Variants in PIEZO1 observed in about 807,000 individuals in gnomAD.
PIEZO1 encodes piezo type mechanosensitive ion channel component 1 (Er blood group).
PIEZO1 carries 296 observed loss-of-function variants against 297.2 expected under a neutral mutation model. That is an observed-to-expected ratio of 1.00 (90% CI 0.91 to 1.10). The LOEUF is 1.10. PIEZO1 is among the 50% of genes least tolerant of loss of function. PIEZO1 has a pLI of 0.00. For synonymous variants in PIEZO1, 2,427 were observed against 1,507.5 expected (o/e 1.61, Z -14.13); for missense variants, 5,018 against 3,455.5 (o/e 1.45, Z -11.34).
chr16:88,724,796 T>G (rs1441893762), intron 30 of PIEZO1, among the ~76,000 whole-genome samples: 2 of 151,976 alleles, frequency 1.3e-5, no homozygotes, highest in East Asian at 3.9e-4. Context: ...ACTCCCACTG[T>G]TGGAAGGGCT....
At position 88,736,624 on chromosome 16, in the gene PIEZO1, C is replaced by G. The variant is rs1905236045; in HGVS notation, c.1296+15G>C. 6.6e-7 allele frequency: 1 copy of G among 1,520,890 alleles called. No homozygotes were observed. Among genetic ancestry groups the G allele is most frequent in the African/African-American group, 1.4e-5 (1 of 72,544 alleles). 94.2% of individuals were successfully genotyped at this position (1,520,890 alleles called of 1,614,324 possible). A position where few individuals can be genotyped will look rare whatever the true frequency, so the allele number is the denominator to read the frequency against. ...GCAGAGGGGGCCGCCCACCCCAACC[C>G]CCACAGCCGCCTACCATCATGGCAA... On this transcript the variant is annotated intron_variant, in intron 11 of 50. Transcript: ENST00000301015.
rs577521293 is a variant in PIEZO1, at chr16:88,749,012, C to T, written c.160+372G>A. 2.6e-3 allele frequency among the ~76,000 whole-genome samples: 375 copies of T among 146,456 alleles called. 4 individuals are homozygous for T. The highest frequency in any genetic ancestry group is 8.3e-3 in the East Asian group (41 of 4,928). The stretch of plus-strand genomic sequence containing the variant: ...CAGCACTTTGGGAGGCCGAGGCGGG[C>T]GGATCACAAGGTCAGGAGATCGAGA... On this transcript the variant is annotated intron_variant, in intron 2 of 50. Transcript: ENST00000301015.
rs751557941 is a variant in PIEZO1 at position 88,722,843 on chromosome 16, G to A, written c.4662C>T (p.Leu1554=). 108 of 1,545,920 alleles carry A rather than the reference G, an allele frequency of 7.0e-5. 1 individual carries two copies. The highest frequency in any genetic ancestry group is 5.3e-4 in the Admixed American group (27 of 50,986). ...RAERYLLTQE[L]LQGGEVHRGV... ...GGTGCACGGGCAGGCTCACCTGCAG[G>A]AGCTCCTGTGTGAGGAGGTAGCGCT... The change falls in exon 34 of 51, where the codon CTC becomes CTT. Residue 1554 remains leucine, a synonymous_variant. Transcript: ENST00000301015.
chr16:88,725,549 G>A (rs1363288266), intron 28 of PIEZO1, 30 bp from the exon 29 acceptor site: 1 of 1,535,512 alleles, frequency 6.5e-7, no homozygotes, highest in Non-Finnish European at 8.8e-7. Flanking sequence ...GGTATGCTGA[G>A]CATTGGGGGG....
At chr16:88,731,965 T>TGAGTCTGGGGGGAGGGACA in intron 21 of PIEZO1, 55 bp from the exon 22 acceptor site, 1 of 7,176 alleles carries the variant, frequency 1.4e-4, no homozygotes, top group East Asian at 3.1e-3. Flanking sequence ...GGGGAGGGAC[T>TGAGTCTGGGGGGAGGGACA]TTCTTGTCCC....
Position 88,715,445 on chromosome 16 carries a change from T to C in PIEZO1, c.*160A>G, listed in dbSNP as rs1195216398. 9.5e-6 allele frequency: 9 copies of C among 947,618 alleles called. No homozygotes were observed. In the Admixed American group the frequency reaches 2.0e-4, roughly 21 times the overall value. 58.7% of individuals were successfully genotyped at this position (947,618 alleles called of 1,614,324 possible). ...GCAGGCCGTGGGGACGCAGTGTCCTTCTCTGACAGCAGCATCAGGGCTCAG... is the reference window on the plus strand; with the variant it reads ...GCAGGCCGTGGGGACGCAGTGTCCTCCTCTGACAGCAGCATCAGGGCTCAG... On this transcript the variant is annotated 3_prime_UTR_variant, in exon 51 of 51. Transcript: ENST00000301015.
chr16:88,774,154 T>C (rs545993026), intron 1 of PIEZO1, among the ~76,000 whole-genome samples: 29 of 152,266 alleles, frequency 1.9e-4, no homozygotes, highest in African/African-American at 7.0e-4. Context: ...GACTGTCACC[T>C]CCTCCTGGCC....
intron 44 of PIEZO1, 100 bp downstream of exon 44, chr16:88,719,474 G>A: frequency 8.5e-7 from 1 of 1,172,886 alleles, no homozygotes; most frequent in Non-Finnish European, 1.2e-6. Flanking sequence ...GCCCTGGGAG[G>A]GCCTCCAGCA....
intron 1 of PIEZO1, among the ~76,000 whole-genome samples, chr16:88,762,508 C>G (rs1238021659): frequency 6.6e-6 from 1 of 152,120 alleles, no homozygotes. Context: ...GAGGATGTGT[C>G]TGGGGAGGAG....
rs374599949 is a variant in PIEZO1 at position 88,737,722 on chromosome 16, G to A, written c.1107+6C>T. The stretch of plus-strand genomic sequence containing the variant: ...CGCTGGCGTCTCCACCTGCCTGGCT[G>A]CTCACCTGGTCAGACTCCCGTTCCT... On this transcript the variant is annotated splice_donor_region_variant and intron_variant, in intron 9 of 50. Coordinates refer to ENST00000301015, the MANE Select transcript of PIEZO1 (RefSeq NM_001142864.4). The A allele has an allele frequency of 6.6e-5, 102 of 1,535,238 alleles. No individual in the cohort carries two copies. The African/African-American group carries it at 1.3e-3, about 19-fold the overall frequency.
chr16:88,747,641 C>G (rs577151063), intron 2 of PIEZO1, among the ~76,000 whole-genome samples: 1 of 152,210 alleles, frequency 6.6e-6, no homozygotes, highest in Non-Finnish European at 1.5e-5. Flanking sequence ...GCTGGCAGAA[C>G]GATGGACCCC....
intron 35 of PIEZO1, 24 bp from the exon 36 acceptor site, chr16:88,722,421 G>T: frequency 6.7e-7 from 1 of 1,483,626 alleles, no homozygotes; most frequent in Non-Finnish European, 9.0e-7. Flanking sequence ...CCGAGTCACA[G>T]AGAATCCTGC....
Position 88,737,733 on chromosome 16 carries a change from C to A in PIEZO1, c.1102G>T (p.Asp368Tyr). 1.3e-6 allele frequency: 2 copies of A among 1,535,510 alleles called. No homozygotes were observed. Among genetic ancestry groups the A allele is most frequent in the Non-Finnish European group, 8.7e-7 (1 of 1,146,624 alleles). Residue 368 changes from aspartate to tyrosine, a missense_variant, in exon 9 of 51, where the codon GAC becomes TAC. Physicochemically the swap from Asp to Tyr is radical, Grantham distance 160. Coordinates refer to ENST00000301015, the MANE Select transcript of PIEZO1 (RefSeq NM_001142864.4). The part of the protein sequence containing the change: ...LDQWPQERES[D>Y]QHVVPTAPDT... ...CCACCTGCCTGGCTGCTCACCTGGT[C>A]AGACTCCCGTTCCTGGGGCCACTGG...
Position 88,742,089 on chromosome 16 carries a change from C to G in PIEZO1, c.290G>C (p.Arg97Pro). Reference protein sequence around the residue: ...LDQLLGPSCSRWETLSRHIGV... With the variant: ...LDQLLGPSCSPWETLSRHIGV... ...TATGTGTCGCGAGAGGGTCTCCCAG[C>G]GGCTGCCTGCAGAGAAAGACGGGGG... Residue 97 changes from arginine to proline, a missense_variant, in exon 4 of 51, where the codon CGC (arginine) becomes CCC (proline). Arg to Pro is a moderately radical substitution (Grantham distance 103, BLOSUM62 -2). Coordinates refer to ENST00000301015, the MANE Select transcript of PIEZO1 (RefSeq NM_001142864.4). The G allele has an allele frequency of 6.5e-7, 1 of 1,535,888 alleles. No homozygotes were observed. Among genetic ancestry groups the G allele is most frequent in the Non-Finnish European group, 8.7e-7 (1 of 1,146,746 alleles).
At chr16:88,779,329 G>A (rs1364446627) in intron 1 of PIEZO1, among the ~76,000 whole-genome samples, 4 of 152,198 alleles carry the variant, frequency 2.6e-5, no homozygotes, top group Admixed American at 1.3e-4. Context: ...GTGAGCCACC[G>A]CGCCCGGCAA....
chr16:88,764,245 T>C (rs1907065137), intron 1 of PIEZO1, among the ~76,000 whole-genome samples: 1 of 152,122 alleles, frequency 6.6e-6, no homozygotes, highest in Non-Finnish European at 1.5e-5. Flanking sequence ...GATGGGGTCC[T>C]CTTGAAGCCC....
chr16:88,770,394 G>A (rs868782818), intron 1 of PIEZO1, among the ~76,000 whole-genome samples: 2 of 152,232 alleles, frequency 1.3e-5, no homozygotes, highest in Non-Finnish European at 2.9e-5. Flanking sequence ...TTAGGAGTCT[G>A]CAGTTCCTGT....
At chr16:88,745,431 AG>A (rs1215054693) in intron 2 of PIEZO1, 1 of 152,092 alleles carries the variant, frequency 6.6e-6, no homozygotes, top group Non-Finnish European at 1.5e-5. Flanking sequence ...ATGGCAGGGG[AG>A]GGGCTCAGCA....
rs1438873780 is a variant in PIEZO1, at chr16:88,784,683, G to A, written c.64+218C>T. Among the ~76,000 whole-genome samples, 14 of 151,700 alleles carry A rather than the reference G, an allele frequency of 9.2e-5. No homozygotes were observed. In the East Asian group the frequency reaches 2.7e-3, roughly 30 times the overall value. ...GCACGCGGTGCCGTCTCCCCCAGCC[G>A]CCGCCGCCCTTCCAGCCCGGCCCTG... On this transcript the variant is annotated intron_variant, in intron 1 of 50. Coordinates refer to ENST00000301015, the MANE Select transcript of PIEZO1 (RefSeq NM_001142864.4).
Sources: allele counts gnomAD v4.1 joint callset (sites outside exome capture counted in the v4.1 genomes callset), GRCh38; gene constraint gnomAD v4.1.1; transcripts MANE v1.5; gene names NCBI Gene and HGNC (gene_info 2026-07-23, HGNC 2026-07-21).